SLC43A3: variants seen among roughly 807,000 people sequenced by gnomAD.
The protein encoded by SLC43A3 is solute carrier family 43 member 3.
Under a neutral mutation model 53.3 loss-of-function variants are expected in SLC43A3, and 33 were observed. The observed-to-expected ratio is 0.62, with a 90% CI of 0.47 to 0.83. The LOEUF (loss-of-function observed/expected upper bound fraction) is 0.83. SLC43A3 is among the 40% of genes least tolerant of loss of function. SLC43A3 has a pLI of 0.00. For missense variants in SLC43A3, 530 were observed against 610.0 expected (o/e 0.87, Z 1.38); for synonymous variants, 236 against 246.2 (o/e 0.96, Z 0.39).
chr11:57,411,399 G>C (rs1409292722), intron 11 of SLC43A3, among the ~76,000 whole-genome samples: 1 of 144,594 alleles, frequency 6.9e-6, no homozygotes, highest in Admixed American at 7.1e-5. Context: ...AACACTTTGG[G>C]AGGCCAGGGC....
chr11:57,420,517 CCT>C (rs536010074), intron 7 of SLC43A3, among the ~76,000 whole-genome samples: 268 of 152,270 alleles, frequency 1.8e-3, no homozygotes, highest in Non-Finnish European at 3.3e-3. Flanking sequence ...CAGTTCATCC[CCT>C]GATACCCCAA....
intron 9 of SLC43A3, chr11:57,415,313 G>A: frequency 4.6e-6 from 7 of 1,522,208 alleles, no homozygotes; most frequent in Admixed American, 2.0e-5. Flanking sequence ...CACCTTGGAT[G>A]ACCCTCTGTG....
At chr11:57,422,414 C>T (rs1160762209) in intron 5 of SLC43A3, among the ~76,000 whole-genome samples, 1 of 152,170 alleles carries the variant, frequency 6.6e-6, no homozygotes, top group Non-Finnish European at 1.5e-5. Context: ...ATCAGAAGGA[C>T]TGAAAGAGAA....
intron 7 of SLC43A3, among the ~76,000 whole-genome samples, chr11:57,419,926 G>A (rs1470113907): frequency 1.3e-5 from 2 of 152,126 alleles, no homozygotes; most frequent in South Asian, 2.1e-4. Flanking sequence ...TGCCTCAGGG[G>A]CTCAGTCTCT....
chr11:57,415,349 T>C (rs1389110227), intron 9 of SLC43A3: 1 of 1,490,986 alleles, frequency 6.7e-7, no homozygotes, highest in Admixed American at 2.0e-5. Context: ...ATCCGATCTG[T>C]CTCTCACAGC....
At chr11:57,419,818 G>A (rs1004908257) in intron 7 of SLC43A3, among the ~76,000 whole-genome samples, 1 of 130,714 alleles carries the variant, frequency 7.7e-6, no homozygotes, top group African/African-American at 3.0e-5. Flanking sequence ...AAAAAAAAAA[G>A]AGAGAGGAAA....
chr11:57,425,859 G>A lies in SLC43A3; in HGVS notation c.184+130C>T. ...CTCCCAGGCACTTCCCAGATCAAGT[G>A]GGGTGAGAGCTGCTGACCCTTCCTC... is the stretch of plus-strand genomic sequence containing the variant. On this transcript the variant is annotated intron_variant, in intron 3 of 13. Transcript: ENST00000395124. 5.3e-6 allele frequency: 7 copies of A among 1,330,898 alleles called. No homozygotes were observed. In the South Asian group the frequency reaches 9.5e-5, roughly 18 times the overall value. 82.4% of individuals were successfully genotyped at this position (1,330,898 alleles called of 1,614,324 possible).
chr11:57,412,839 C>A (rs1197196321), intron 11 of SLC43A3, among the ~76,000 whole-genome samples: 1 of 151,730 alleles, frequency 6.6e-6, no homozygotes, highest in African/African-American at 2.4e-5. Flanking sequence ...AGAAAATCAT[C>A]CTTTTGCGAT....
At chr11:57,416,499 G>A (rs993209078) in intron 9 of SLC43A3, 74 bp downstream of exon 9, 4 of 1,175,342 alleles carry the variant, frequency 3.4e-6, no homozygotes, top group Non-Finnish European at 5.1e-6. Context: ...GGGAGCTCTG[G>A]AGGTGAGGGG....
intron 5 of SLC43A3, among the ~76,000 whole-genome samples, chr11:57,422,299 T>C (rs1477357888): frequency 2.0e-5 from 3 of 152,198 alleles, no homozygotes; most frequent in Admixed American, 2.0e-4. Flanking sequence ...TGTTATTCAA[T>C]TGTAGCTGGA....
chr11:57,425,834 C>T (rs1357682689), intron 3 of SLC43A3, 155 bp downstream of exon 3: 1 of 1,339,848 alleles, frequency 7.5e-7, no homozygotes, highest in African/African-American at 1.5e-5. Context: ...TGGTGCCTCC[C>T]TCCCAGGCAC....
chr11:57,425,630 G>C lies in SLC43A3; in HGVS notation c.225C>G (p.Thr75=). The C allele has an allele frequency of 6.2e-7, 1 of 1,614,156 alleles. No homozygotes were observed. ...TGAAGTTGTTCATGAAGGACCCCAG[G>C]GTGAAGATGAGTGAGAACCTCTCAT... ...AQDERFSLIF[T]LGSFMNNFMT... Residue 75 remains threonine, a synonymous_variant, in exon 4 of 14, where the codon ACC becomes ACG. Transcript: ENST00000395124.
rs1942674069 is a variant in SLC43A3, at chr11:57,415,389, C to G, written c.770-283G>C. The G allele has an allele frequency of 2.1e-6, 3 of 1,420,808 alleles. No individual in the cohort carries two copies. In the East Asian group the frequency reaches 9.9e-5, roughly 47 times the overall value. 88.0% of individuals were successfully genotyped at this position (1,420,808 alleles called of 1,614,324 possible). A position where few individuals can be genotyped will look rare whatever the true frequency, so the allele number is the denominator to read the frequency against. ...TCAATGACACTTCTTGCAGTAATAC[C>G]TTCCTGATCTTTCTCAGCGAGAAAG... On this transcript the variant is annotated intron_variant, in intron 9 of 13. Transcript: ENST00000395124.
chr11:57,423,998 T>G lies in SLC43A3; in HGVS notation c.345A>C (p.Ile115=). 2 of 1,614,210 alleles carry G rather than the reference T, an allele frequency of 1.2e-6. No homozygotes were observed. Among genetic ancestry groups the G allele is most frequent in the Non-Finnish European group, 1.7e-6 (2 of 1,180,024 alleles). ...AGCACTCACCTGCAGAGGTGAAGGC[T>G]ATGATGAGTGTGGCGGTGGTGTAGA... ...IFFYTTATLI[I]AFTSAGSAVL... is the part of the protein sequence containing the mutation. Residue 115 remains isoleucine, a synonymous_variant, in exon 5 of 14, where the codon ATA becomes ATC. Transcript: ENST00000395124.
At position 57,422,690 on chromosome 11, in the gene SLC43A3, A is replaced by G. The variant is rs561477236; in HGVS notation, c.361+1292T>C. ...GCTTTTTTCAAAACTGAAAAGCCCT[A>G]TATTATGGAGGAAGAGGAGGATTGT... On this transcript the variant is annotated intron_variant, in intron 5 of 13. Coordinates refer to ENST00000395124, the MANE Select transcript of SLC43A3 (RefSeq NM_199329.3). Among the ~76,000 whole-genome samples, 364 of 152,320 alleles carry G rather than the reference A, an allele frequency of 2.4e-3. 1 individual carries two copies. Among genetic ancestry groups the G allele is most frequent in the African/African-American group, 8.3e-3 (345 of 41,574 alleles).
At chr11:57,413,777 G>A (rs1035446384) in intron 11 of SLC43A3, among the ~76,000 whole-genome samples, 9 of 152,012 alleles carry the variant, frequency 5.9e-5, no homozygotes, top group Non-Finnish European at 1.2e-4. Context: ...AGTGCTCTGT[G>A]CCCTAGCCAG....
At chr11:57,421,233 G>A (rs1219727992) in intron 6 of SLC43A3, 64 bp downstream of exon 6, 2 of 1,438,812 alleles carry the variant, frequency 1.4e-6, no homozygotes, top group African/African-American at 1.4e-5. Context: ...ATAGAAAAGG[G>A]TCTCTCCTTC....
Position 57,407,717 on chromosome 11 carries a change from TGGGACACGAG to T in SLC43A3, c.*65_*74del. 1.2e-6 allele frequency: 1 copy of T among 835,850 alleles called. No individual in the cohort carries two copies. The highest frequency in any genetic ancestry group is 2.0e-6 in the Non-Finnish European group (1 of 494,624). The allele number at this position is 835,850 out of a possible 1,614,324, so 51.8% of individuals were successfully genotyped here. On this transcript the variant is annotated 3_prime_UTR_variant, in exon 14 of 14. Transcript: ENST00000395124. ...TTTTGCTGGGATAGGCAAAGTCTTTTGGGACACGAGGTCCTCAAAGGTGGTGGAAGATGAA... is the reference window on the plus strand; with the variant it reads ...TTTTGCTGGGATAGGCAAAGTCTTTTGTCCTCAAAGGTGGTGGAAGATGAA...
At chr11:57,415,403 T>A in intron 9 of SLC43A3, 2 of 1,388,222 alleles carry the variant, frequency 1.4e-6, no homozygotes, top group Non-Finnish European at 1.9e-6. Flanking sequence ...CTGATCTTTC[T>A]CAGCGAGAAA....
Sources: allele counts gnomAD v4.1 joint callset (sites outside exome capture counted in the v4.1 genomes callset), GRCh38; gene constraint gnomAD v4.1.1; transcripts MANE v1.5; gene names NCBI Gene and HGNC (gene_info 2026-07-23, HGNC 2026-07-21).